THRB: variants seen among roughly 807,000 people sequenced by gnomAD.
The protein encoded by THRB is nuclear receptor subfamily 1 group A member 2.
A neutral mutation model predicts 47.8 loss-of-function variants in THRB; 12 were observed. The ratio of observed to expected loss-of-function variants is 0.25; its 90% CI spans 0.16 to 0.41. THRB has a LOEUF of 0.41. Among genes scored for constraint, THRB ranks in the 10% least tolerant of loss-of-function variants. The probability of loss-of-function intolerance (pLI) is 1.00; values close to 1 mark genes in which losing one functional copy is unlikely to be tolerated. For synonymous variants in THRB, 218 were observed against 212.2 expected (o/e 1.03, Z -0.24); for missense variants, 348 against 589.2 (o/e 0.59, Z 4.24).
chr3:24,285,039 C>G (rs1218724958), intron 3 of THRB, among the ~76,000 whole-genome samples: 4 of 152,002 alleles, frequency 2.6e-5, no homozygotes, highest in Non-Finnish European at 5.9e-5. Context: ...CCTCAGGGAT[C>G]TAGAACTAGA....
In THRB at chr3:24,189,973, C is replaced by T. The variant is rs749154312; in HGVS notation, c.283+101G>A. 7.7e-6 allele frequency: 9 copies of T among 1,165,916 alleles called. No individual in the cohort carries two copies. In the Admixed American group the frequency reaches 1.4e-4, roughly 18 times the overall value. 72.2% of individuals were successfully genotyped at this position (1,165,916 alleles called of 1,614,324 possible). On this transcript the variant is annotated intron_variant, in intron 5 of 10. Transcript: ENST00000646209. Reference sequence around the variant, plus strand: ...AACAGTTGGAGAAAACATGGGACACCATACATTGGAAGAGAAATGTAGATG... The same window carrying T: ...AACAGTTGGAGAAAACATGGGACACTATACATTGGAAGAGAAATGTAGATG...
At chr3:24,223,094 C>T (rs2047320206) in intron 4 of THRB, among the ~76,000 whole-genome samples, 1 of 152,172 alleles carries the variant, frequency 6.6e-6, no homozygotes, top group South Asian at 2.1e-4. Context: ...TCTGTTATTA[C>T]TTCATCTACA....
chr3:24,146,609 C>A, intron 7 of THRB, 66 bp downstream of exon 7: 1 of 1,566,324 alleles, frequency 6.4e-7, no homozygotes, highest in Non-Finnish European at 8.8e-7. Flanking sequence ...CCCAGTCGAT[C>A]TCCTTGAACC....
intron 4 of THRB, among the ~76,000 whole-genome samples, chr3:24,215,156 A>G (rs1034882766): frequency 7.9e-5 from 12 of 152,336 alleles, no homozygotes; most frequent in African/African-American, 2.6e-4. Context: ...CAATAACTGT[A>G]TATATATCAT....
At chr3:24,307,139 G>A (rs1229727911) in intron 2 of THRB, among the ~76,000 whole-genome samples, 2 of 151,970 alleles carry the variant, frequency 1.3e-5, no homozygotes, top group East Asian at 3.9e-4. Flanking sequence ...ACTGATGTTG[G>A]CAAGCAAATT....
At position 24,336,350 on chromosome 3, in the gene THRB, A is replaced by G. The variant is rs1199604160; in HGVS notation, c.-189+950T>C. On this transcript the variant is annotated intron_variant, in intron 2 of 10. Transcript: ENST00000646209. ...AAGAGGAGGCACAAAGACAGCATTC[A>G]AAAGGCCTGGCTCCCGCAGCCAGTG... Among the ~76,000 whole-genome samples the G allele has an allele frequency of 2.0e-5, 3 of 152,226 alleles. No individual in the cohort carries two copies. The East Asian group carries it at 5.8e-4, about 29-fold the overall frequency.
At chr3:24,264,514 G>T (rs1041493818) in intron 3 of THRB, among the ~76,000 whole-genome samples, 1 of 111,628 alleles carries the variant, frequency 9.0e-6, no homozygotes, top group Non-Finnish European at 1.9e-5. Context: ...TGTTTTCCCA[G>T]CTGACAATGC....
intron 1 of THRB, among the ~76,000 whole-genome samples, chr3:24,438,447 C>T (rs1022802207): frequency 1.1e-4 from 17 of 151,680 alleles, no homozygotes; most frequent in African/African-American, 2.7e-4. Flanking sequence ...TGAGATGACG[C>T]CTATCTTTTT....
rs139812912 is a variant in THRB, at chr3:24,141,417, C to A, written c.738+2084G>T. Among the ~76,000 whole-genome samples, 139 of 152,342 alleles carry A rather than the reference C, an allele frequency of 9.1e-4. 1 individual carries two copies. The highest frequency in any genetic ancestry group is 3.0e-3 in the African/African-American group (123 of 41,574). ...CCTCAGAGATGCTTCTTCTGACCAC[C>A]ATGTTCACAGAAATGAAGTCTCTCC... On this transcript the variant is annotated intron_variant, in intron 8 of 10. Coordinates refer to ENST00000646209, the MANE Select transcript of THRB (RefSeq NM_001354712.2).
chr3:24,259,620 C>CCT lies in THRB; in HGVS notation c.-42-30620_-42-30619insAG, dbSNP rs1553677987. The stretch of plus-strand genomic sequence containing the variant: ...CAAAGTGGGAATTAGCTCTGCTTAC[C>CCT]TTTTTTTTTTTTTTTTTTTTTTTAA... On this transcript the variant is annotated intron_variant, in intron 3 of 10. Coordinates refer to ENST00000646209, the MANE Select transcript of THRB (RefSeq NM_001354712.2). Among the ~76,000 whole-genome samples the CCT allele has an allele frequency of 7.3e-3, 719 of 98,264 alleles. 7 individuals carry two copies. Among genetic ancestry groups the CCT allele is most frequent in the African/African-American group, 0.026 (669 of 25,542 alleles). 64.5% of individuals were successfully genotyped at this position (98,264 alleles called of 152,430 possible). A position where few individuals can be genotyped will look rare whatever the true frequency, so the allele number is the denominator to read the frequency against.
At chr3:24,242,362 C>A (rs1327434648) in intron 3 of THRB, among the ~76,000 whole-genome samples, 1 of 152,076 alleles carries the variant, frequency 6.6e-6, no homozygotes, top group African/African-American at 2.4e-5. Context: ...GATTCATGTT[C>A]GGCTCACGGC....
chr3:24,485,700 C>T (rs1234431405), intron 1 of THRB, among the ~76,000 whole-genome samples: 1 of 152,186 alleles, frequency 6.6e-6, no homozygotes, highest in African/African-American at 2.4e-5. Context: ...GGGCTCCTTA[C>T]AATTTCCCAA....
chr3:24,383,417 G>A (rs1309955497), intron 1 of THRB, among the ~76,000 whole-genome samples: 1 of 152,086 alleles, frequency 6.6e-6, no homozygotes, highest in Non-Finnish European at 1.5e-5. Flanking sequence ...ATGGGGGTGG[G>A]CAGATACTTG....
At chr3:24,170,698 C>G (rs1575570120) in intron 5 of THRB, among the ~76,000 whole-genome samples, 2 of 152,172 alleles carry the variant, frequency 1.3e-5, no homozygotes, top group East Asian at 3.9e-4. Flanking sequence ...GGACAGAGCC[C>G]TTCTCATTTG....
chr3:24,381,295 C>T (rs1456684602), intron 1 of THRB, among the ~76,000 whole-genome samples: 1 of 152,086 alleles, frequency 6.6e-6, no homozygotes, highest in African/African-American at 2.4e-5. Flanking sequence ...CAAAGACCAA[C>T]ACTAACTTCT....
At chr3:24,398,555 G>A (rs540619197) in intron 1 of THRB, among the ~76,000 whole-genome samples, 122 of 152,192 alleles carry the variant, frequency 8.0e-4, no homozygotes, top group African/African-American at 2.3e-3. Flanking sequence ...TTAGAATGGC[G>A]ATCATTAAAA....
chr3:24,442,615 G>A (rs888030312), intron 1 of THRB, among the ~76,000 whole-genome samples: 4 of 152,012 alleles, frequency 2.6e-5, no homozygotes, highest in Non-Finnish European at 5.9e-5. Context: ...ACCTGAGGTC[G>A]GGAGCTCGAG....
chr3:24,465,268 G>A lies in THRB; in HGVS notation c.-261+29384C>T, dbSNP rs189714466. On this transcript the variant is annotated intron_variant, in intron 1 of 10. Coordinates refer to ENST00000646209, the MANE Select transcript of THRB (RefSeq NM_001354712.2). ...AAAACACATTCTGCTGGTATCTAGC[G>A]TCTATTGTTGCTAATGAAAAGTTAG... Among the ~76,000 whole-genome samples the A allele has an allele frequency of 2.4e-3, 371 of 152,206 alleles. 5 individuals are homozygous for A. The highest frequency in any genetic ancestry group is 4.8e-3 in the East Asian group (25 of 5,190).
chr3:24,272,983 CAG>C (rs2053511779), intron 3 of THRB, among the ~76,000 whole-genome samples: 1 of 152,264 alleles, frequency 6.6e-6, no homozygotes, highest in South Asian at 2.1e-4. Context: ...GGTTTTGACT[CAG>C]AGTTTCAGAT....
Sources: allele counts gnomAD v4.1 joint callset (sites outside exome capture counted in the v4.1 genomes callset), GRCh38; gene constraint gnomAD v4.1.1; transcripts MANE v1.5; gene names NCBI Gene and HGNC (gene_info 2026-07-23, HGNC 2026-07-21).